Variants in UNC5C observed in about 807,000 individuals in gnomAD.
The protein encoded by UNC5C is unc-5 netrin receptor C, also known as netrin receptor UNC5C.
In UNC5C, 47 loss-of-function variants were observed where a neutral mutation model predicts 99.8. That is an observed-to-expected ratio of 0.47 (90% CI 0.37 to 0.60). The LOEUF (loss-of-function observed/expected upper bound fraction) is 0.60, where lower values mean the gene tolerates loss of function less well. Ranked by LOEUF, UNC5C falls within the 20% of genes least tolerant of loss-of-function variation. The pLI, the probability that UNC5C is intolerant of heterozygous loss-of-function variation, is 0.00. For missense variants in UNC5C, 1,062 were observed against 1,165.9 expected (o/e 0.91, Z 1.30); for synonymous variants, 487 against 452.2 (o/e 1.08, Z -0.98).
chr4:95,452,760 T>G (rs990724241), intron 1 of UNC5C, among the ~76,000 whole-genome samples: 1 of 152,198 alleles, frequency 6.6e-6, no homozygotes, highest in Non-Finnish European at 1.5e-5. Context: ...CATTGAGGTT[T>G]AAAGAATTAT....
chr4:95,506,686 A>G (rs1721931414), intron 1 of UNC5C, among the ~76,000 whole-genome samples: 1 of 151,914 alleles, frequency 6.6e-6, no homozygotes, highest in Non-Finnish European at 1.5e-5. Flanking sequence ...ATCAGTAACA[A>G]CCTTAGCAAT....
At chr4:95,197,892 G>C (rs1737494177) in intron 12 of UNC5C, among the ~76,000 whole-genome samples, 1 of 151,838 alleles carries the variant, frequency 6.6e-6, no homozygotes, top group Non-Finnish European at 1.5e-5. Context: ...AGAGAGTTCA[G>C]TGTGGAAGCG....
chr4:95,430,230 A>G (rs1746596843), intron 1 of UNC5C, among the ~76,000 whole-genome samples: 5 of 152,078 alleles, frequency 3.3e-5, no homozygotes, highest in African/African-American at 1.2e-4. Flanking sequence ...ACAGGATGTT[A>G]ATAATGAGGG....
At chr4:95,172,024 G>A (rs1432236246) in intron 14 of UNC5C, among the ~76,000 whole-genome samples, 6 of 149,158 alleles carry the variant, frequency 4.0e-5, no homozygotes, top group African/African-American at 1.5e-4. Flanking sequence ...TTTTTTGGCT[G>A]CATAAATGTC....
intron 14 of UNC5C, among the ~76,000 whole-genome samples, chr4:95,171,977 C>G (rs1736136062): frequency 6.6e-6 from 1 of 150,534 alleles, no homozygotes; most frequent in Admixed American, 6.6e-5. Flanking sequence ...ATTTGCATTT[C>G]TCTGATGGCC....
intron 1 of UNC5C, among the ~76,000 whole-genome samples, chr4:95,336,702 C>T (rs997163692): frequency 5.9e-5 from 9 of 151,852 alleles, no homozygotes; most frequent in Non-Finnish European, 1.0e-4. Flanking sequence ...GTCTCTGCTA[C>T]TCTGTTTTGC....
In UNC5C at chr4:95,508,615, C is replaced by T. The variant is rs1028729469; in HGVS notation, c.124+40119G>A. Among the ~76,000 whole-genome samples, 9 of 151,810 alleles carry T rather than the reference C, an allele frequency of 5.9e-5. No individual in the cohort carries two copies. The South Asian group carries it at 1.7e-3, about 28-fold the overall frequency. On this transcript the variant is annotated intron_variant, in intron 1 of 15. Transcript: ENST00000453304. ...CTCTTTCTTTGATGTGTTTTCGTTTCTCTCCATTTTTACTGTTACTCATTT... is the reference window on the plus strand; with the variant it reads ...CTCTTTCTTTGATGTGTTTTCGTTTTTCTCCATTTTTACTGTTACTCATTT...
At chr4:95,226,840 A>G (rs1738709943) in intron 7 of UNC5C, among the ~76,000 whole-genome samples, 1 of 152,036 alleles carries the variant, frequency 6.6e-6, no homozygotes, top group South Asian at 2.1e-4. Context: ...TTTGGTTGTC[A>G]TAAGGATTAG....
intron 1 of UNC5C, among the ~76,000 whole-genome samples, chr4:95,338,083 A>G (rs1298409537): frequency 1.3e-5 from 2 of 152,044 alleles, no homozygotes; most frequent in African/African-American, 2.4e-5. Context: ...GTACAGTGGG[A>G]CAGATATGAT....
chr4:95,169,953 T>A (rs1422588391), intron 15 of UNC5C, among the ~76,000 whole-genome samples: 2 of 152,162 alleles, frequency 1.3e-5, no homozygotes, highest in South Asian at 2.1e-4. Context: ...CAATGCCAGA[T>A]AAGCTCAGAA....
intron 1 of UNC5C, among the ~76,000 whole-genome samples, chr4:95,399,331 C>A (rs1159984448): frequency 6.6e-6 from 1 of 152,158 alleles, no homozygotes; most frequent in Non-Finnish European, 1.5e-5. Flanking sequence ...CTGTCAACAA[C>A]TCCACAAAAA....
At chr4:95,282,011 A>C (rs1006129925) in intron 3 of UNC5C, among the ~76,000 whole-genome samples, 2 of 152,148 alleles carry the variant, frequency 1.3e-5, no homozygotes, top group Admixed American at 6.5e-5. Context: ...AGTCACCCCC[A>C]GTTGAGAACC....
chr4:95,241,903 A>G (rs1739339869), intron 7 of UNC5C, among the ~76,000 whole-genome samples: 1 of 152,222 alleles, frequency 6.6e-6, no homozygotes, highest in African/African-American at 2.4e-5. Context: ...AATAAACTAA[A>G]TCATACCCGC....
chr4:95,338,752 T>C (rs994942786), intron 1 of UNC5C, among the ~76,000 whole-genome samples: 2 of 152,066 alleles, frequency 1.3e-5, no homozygotes, highest in African/African-American at 4.8e-5. Context: ...ATGGCAACTT[T>C]GATCATTCCT....
chr4:95,186,520 A>G (rs912116806), intron 12 of UNC5C, among the ~76,000 whole-genome samples: 3 of 152,204 alleles, frequency 2.0e-5, no homozygotes, highest in African/African-American at 7.2e-5. Context: ...TTACATGCAA[A>G]CAGCTCATTT....
chr4:95,534,003 T>C (rs962587427), intron 1 of UNC5C, among the ~76,000 whole-genome samples: 1 of 152,216 alleles, frequency 6.6e-6, no homozygotes, highest in African/African-American at 2.4e-5. Context: ...TTAGATGGAA[T>C]AATATCCTAT....
At chr4:95,368,089 T>C (rs950685406) in intron 1 of UNC5C, among the ~76,000 whole-genome samples, 4 of 152,166 alleles carry the variant, frequency 2.6e-5, no homozygotes, top group African/African-American at 4.8e-5. Context: ...GCATAGCGTA[T>C]GAATACCCCT....
At chr4:95,306,394 G>C (rs1455340596) in intron 2 of UNC5C, among the ~76,000 whole-genome samples, 2 of 152,040 alleles carry the variant, frequency 1.3e-5, no homozygotes, top group Non-Finnish European at 2.9e-5. Context: ...AGTAGAGATG[G>C]GGTTTCACCA....
intron 1 of UNC5C, among the ~76,000 whole-genome samples, chr4:95,433,925 G>C (rs1000043743): frequency 1.3e-5 from 2 of 152,058 alleles, no homozygotes; most frequent in Admixed American, 6.6e-5. Flanking sequence ...CTGTGCACAA[G>C]TTAATCCTTC....
Sources: allele counts gnomAD v4.1 joint callset (sites outside exome capture counted in the v4.1 genomes callset), GRCh38; gene constraint gnomAD v4.1.1; transcripts MANE v1.5; gene names NCBI Gene and HGNC (gene_info 2026-07-23, HGNC 2026-07-21).